PHKA2: variants seen among roughly 807,000 people sequenced by gnomAD.
The protein encoded by PHKA2 is phosphorylase b kinase regulatory subunit alpha, liver isoform.
Under a neutral mutation model 102.0 loss-of-function variants are expected in PHKA2, and 31 were observed. The observed-to-expected ratio is 0.30, with a 90% CI of 0.23 to 0.41. PHKA2 has a LOEUF of 0.41. Among genes scored for constraint, PHKA2 ranks in the 10% least tolerant of loss-of-function variants. The pLI is 1.00. For synonymous variants in PHKA2, 455 were observed against 416.2 expected, an observed-to-expected ratio of 1.09 and a Z score of -1.13; for missense variants, 858 against 1,023.1, an observed-to-expected ratio of 0.84 and a Z score of 2.20.
intron 8 of PHKA2, among the ~76,000 whole-genome samples, chrX:18,941,212 T>C (rs1487674262): frequency 9.1e-6 from 1 of 110,399 alleles, no homozygotes; most frequent in African/African-American, 3.3e-5. Context: ...GACATATGCA[T>C]TTTTTTTTCT....
chrX:18,954,972 T>G (rs1314422119), intron 1 of PHKA2, among the ~76,000 whole-genome samples: 1 of 112,206 alleles, frequency 8.9e-6, no homozygotes, highest in Non-Finnish European at 1.9e-5. Flanking sequence ...CCTATTTAGC[T>G]ATGATATCAC....
intron 6 of PHKA2, among the ~76,000 whole-genome samples, chrX:18,944,290 GGTC>G (rs1277522564): frequency 1.8e-5 from 2 of 111,691 alleles, no homozygotes; most frequent in African/African-American, 6.6e-5. Flanking sequence ...CTAAATTCAT[GGTC>G]GTCTTTTCTC....
At chrX:18,966,445 T>G (rs1426039666) in intron 1 of PHKA2, among the ~76,000 whole-genome samples, 1 of 111,839 alleles carries the variant, frequency 8.9e-6, no homozygotes, top group African/African-American at 3.3e-5. Context: ...TAGATCTTTT[T>G]GATCCCTGCA....
intron 1 of PHKA2, among the ~76,000 whole-genome samples, chrX:18,963,220 G>T (rs923949183): frequency 3.6e-5 from 4 of 112,641 alleles, no homozygotes; most frequent in African/African-American, 9.7e-5. Flanking sequence ...CCAGCTGCAG[G>T]GAAGGATATG....
In PHKA2 at chrX:18,895,261, C is replaced by T. The variant is rs766258804; in HGVS notation, c.3283-70G>A. 74 of 924,174 alleles carry T rather than the reference C, an allele frequency of 8.0e-5. No individual in the cohort carries two copies. In the South Asian group the frequency reaches 8.0e-4, roughly 10 times the overall value. 76.2% of individuals were successfully genotyped at this position (924,174 alleles called of 1,213,427 possible). A position where few individuals can be genotyped will look rare whatever the true frequency, so the allele number is the denominator to read the frequency against. On this transcript the variant is annotated intron_variant, in intron 30 of 32. Coordinates refer to ENST00000379942, the MANE Select transcript of PHKA2 (RefSeq NM_000292.3). ...ATAAGCACATGCATGCACACACAGG[C>T]GTGCATGCACACACAGCACCCTCTG... is the stretch of plus-strand genomic sequence containing the variant.
intron 9 of PHKA2, among the ~76,000 whole-genome samples, chrX:18,939,595 G>A (rs2048455814): frequency 8.9e-6 from 1 of 112,153 alleles, no homozygotes; most frequent in African/African-American, 3.2e-5. Flanking sequence ...CCGGGTTCAC[G>A]CCTTTCTCCT....
intron 13 of PHKA2, 100 bp from the exon 14 acceptor site, chrX:18,926,687 T>C: frequency 1.3e-6 from 1 of 789,291 alleles, no homozygotes; most frequent in East Asian, 3.2e-5. Flanking sequence ...GACATACACA[T>C]CAGCATGCTC....
intron 1 of PHKA2, among the ~76,000 whole-genome samples, chrX:18,978,648 G>A (rs2049126536): frequency 9.0e-6 from 1 of 111,339 alleles, no homozygotes; most frequent in Non-Finnish European, 1.9e-5. Flanking sequence ...GAGAGGCAGA[G>A]GTTGTAGTGA....
At position 18,893,458 on chromosome X, in the gene PHKA2, A is replaced by T. The variant is rs562270151; in HGVS notation, c.*27T>A. ...GCTAGGGGGCACGTGACAGATTGAGAGTGTGATCATGTTTCCAGGTGAGAC... is the reference window on the plus strand; with the variant it reads ...GCTAGGGGGCACGTGACAGATTGAGTGTGTGATCATGTTTCCAGGTGAGAC... On this transcript the variant is annotated 3_prime_UTR_variant, in exon 33 of 33. Coordinates refer to ENST00000379942, the MANE Select transcript of PHKA2 (RefSeq NM_000292.3). 1.8e-5 allele frequency: 22 copies of T among 1,196,478 alleles called. No homozygotes were observed. The highest frequency in any genetic ancestry group is 1.1e-4 in the South Asian group (6 of 56,452).
intron 26 of PHKA2, among the ~76,000 whole-genome samples, chrX:18,905,311 T>C (rs767777909): frequency 8.9e-6 from 1 of 111,968 alleles, no homozygotes; most frequent in Non-Finnish European, 1.9e-5. Context: ...GTACCTGGGA[T>C]TACAGGCGCG....
chrX:18,918,975 T>C (rs770811487), intron 18 of PHKA2, 121 bp from the exon 19 acceptor site: 16 of 583,921 alleles, frequency 2.7e-5, no homozygotes, highest in African/African-American at 4.5e-5. Context: ...AACACTGAGA[T>C]ATCGATATTT....
intron 30 of PHKA2, 115 bp from the exon 31 acceptor site, chrX:18,895,306 G>A: frequency 4.6e-6 from 3 of 656,694 alleles, no homozygotes; most frequent in Non-Finnish European, 5.1e-6. Context: ...CCCATATGAG[G>A]GCTGGGACAC....
intron 7 of PHKA2, 52 bp from the exon 8 acceptor site, chrX:18,941,727 AG>A: frequency 4.5e-6 from 4 of 893,012 alleles, no homozygotes; most frequent in Non-Finnish European, 6.6e-6. Context: ...TAATAGGCGC[AG>A]TATCTAGGGA....
chrX:18,971,774 C>T (rs1336275058), intron 1 of PHKA2, among the ~76,000 whole-genome samples: 2 of 112,504 alleles, frequency 1.8e-5, no homozygotes, highest in African/African-American at 6.5e-5. Flanking sequence ...TGTGGGTCAG[C>T]AATTCAGAAG....
At chrX:18,938,935 A>G (rs2048442450) in intron 9 of PHKA2, among the ~76,000 whole-genome samples, 186 bp from the exon 10 acceptor site, 1 of 112,480 alleles carries the variant, frequency 8.9e-6, no homozygotes, top group Non-Finnish European at 1.9e-5. Context: ...AAAGTAAGTC[A>G]GAAACATACA....
intron 1 of PHKA2, among the ~76,000 whole-genome samples, chrX:18,982,706 C>T (rs898895395): frequency 8.1e-5 from 9 of 111,373 alleles, no homozygotes; most frequent in African/African-American, 3.3e-5. Context: ...TGGTGGCGCA[C>T]GCCTGTAGTC....
intron 8 of PHKA2, among the ~76,000 whole-genome samples, chrX:18,940,767 G>A (rs975669635): frequency 2.7e-5 from 3 of 111,702 alleles, no homozygotes; most frequent in Admixed American, 9.5e-5. Flanking sequence ...TAGCCCTAGC[G>A]ACCAGCACCG....
At chrX:18,940,985 C>G (rs978204628) in intron 8 of PHKA2, among the ~76,000 whole-genome samples, 1 of 112,090 alleles carries the variant, frequency 8.9e-6, no homozygotes, top group African/African-American at 3.2e-5. Context: ...TTTCATGGAA[C>G]CTAAGTAGGA....
chrX:18,925,277 A>G (rs1224868709), intron 15 of PHKA2, among the ~76,000 whole-genome samples: 3 of 112,563 alleles, frequency 2.7e-5, no homozygotes, highest in Non-Finnish European at 3.8e-5. Flanking sequence ...AAGTTCCATG[A>G]GTACATTCAG....
Sources: gnomAD v4.1 joint callset for allele counts (sites outside exome capture counted in the v4.1 genomes callset) on GRCh38, gnomAD v4.1.1 for gene constraint, MANE v1.5 for transcripts, NCBI Gene and HGNC (gene_info 2026-07-23, HGNC 2026-07-21) for gene names.